Variants in MECOM observed in about 807,000 individuals in gnomAD.
MECOM encodes the protein MDS1 and EVI1 complex locus.
Under a neutral mutation model 116.3 loss-of-function variants are expected in MECOM, and 13 were observed. The ratio of observed to expected loss-of-function variants is 0.11; its 90% CI spans 0.07 to 0.18. The LOEUF (loss-of-function observed/expected upper bound fraction) is 0.18. Ranked by LOEUF, MECOM falls within the 10% of genes least tolerant of loss-of-function variation. MECOM has a pLI of 1.00. For missense variants in MECOM, 1,299 were observed against 1,509.0 expected, an observed-to-expected ratio of 0.86 and a Z score of 2.31; for synonymous variants, 528 against 535.2, an observed-to-expected ratio of 0.99 and a Z score of 0.19.
chr3:169,229,455 C>G (rs1244462744), intron 2 of MECOM, among the ~76,000 whole-genome samples: 1 of 152,124 alleles, frequency 6.6e-6, no homozygotes, highest in Non-Finnish European at 1.5e-5. Flanking sequence ...CAGGGACTGG[C>G]AAGGCTTAAT....
Position 169,236,539 on chromosome 3 carries a change from C to G in MECOM, c.376-92707G>C, listed in dbSNP as rs1035503311. Among the ~76,000 whole-genome samples, 10 of 152,182 alleles carry G rather than the reference C, an allele frequency of 6.6e-5. No homozygotes were observed. In the East Asian group the frequency reaches 1.9e-3, roughly 29 times the overall value. On this transcript the variant is annotated intron_variant, in intron 2 of 16. Transcript: ENST00000651503. ...TAATTTTTAAGTAAGTTTTTAACAC[C>G]TCACATGATCTGCCATGTGTATATT...
At chr3:169,099,590 C>G (rs999059619) in intron 12 of MECOM, among the ~76,000 whole-genome samples, 1 of 131,956 alleles carries the variant, frequency 7.6e-6, no homozygotes, top group Non-Finnish European at 1.6e-5. Context: ...CTCAAATGAC[C>G]CATTTTCTTA....
At chr3:169,607,392 G>A (rs1475050205) in intron 1 of MECOM, among the ~76,000 whole-genome samples, 3 of 152,138 alleles carry the variant, frequency 2.0e-5, no homozygotes, top group Non-Finnish European at 4.4e-5. Context: ...AAATATTTGT[G>A]TAAGAAAAAA....
chr3:169,259,090 T>C (rs1757220514), intron 2 of MECOM, among the ~76,000 whole-genome samples: 1 of 152,194 alleles, frequency 6.6e-6, no homozygotes. Flanking sequence ...GATGCCATTT[T>C]TAATGAAGGA....
chr3:169,498,837 A>G (rs942441407), intron 1 of MECOM, among the ~76,000 whole-genome samples: 1 of 152,232 alleles, frequency 6.6e-6, no homozygotes, highest in Non-Finnish European at 1.5e-5. Context: ...ACAATTCTCT[A>G]AGAGGAAAAG....
intron 1 of MECOM, among the ~76,000 whole-genome samples, chr3:169,660,597 T>C (rs1776154994): frequency 6.6e-6 from 1 of 152,182 alleles, no homozygotes; most frequent in African/African-American, 2.4e-5. Flanking sequence ...GTAATTTGTT[T>C]CCATTGTAAT....
intron 1 of MECOM, among the ~76,000 whole-genome samples, chr3:169,478,699 A>G (rs1750841008): frequency 6.6e-6 from 1 of 152,228 alleles, no homozygotes; most frequent in African/African-American, 2.4e-5. Context: ...CTTGAGTATT[A>G]TGGCTTAAAA....
At chr3:169,596,914 T>G (rs1427679424) in intron 1 of MECOM, among the ~76,000 whole-genome samples, 3 of 152,224 alleles carry the variant, frequency 2.0e-5, no homozygotes, top group Non-Finnish European at 4.4e-5. Context: ...AGCATTTTTT[T>G]CTTATTCAAA....
intron 3 of MECOM, 173 bp from the exon 4 acceptor site, chr3:169,131,704 C>A (rs375735108): frequency 1.6e-6 from 1 of 641,088 alleles, no homozygotes; most frequent in Non-Finnish European, 2.5e-6. Flanking sequence ...TGAAAACCAG[C>A]CCTCTGGTGA....
At chr3:169,410,396 G>A (rs1031753772) in intron 1 of MECOM, among the ~76,000 whole-genome samples, 1 of 152,082 alleles carries the variant, frequency 6.6e-6, no homozygotes, top group Non-Finnish European at 1.5e-5. Flanking sequence ...CTTTTCTTTT[G>A]GAACCTCATT....
intron 2 of MECOM, among the ~76,000 whole-genome samples, chr3:169,314,157 C>A: frequency 6.6e-6 from 1 of 152,248 alleles, no homozygotes; most frequent in East Asian, 1.9e-4. Context: ...AGGTCAGCTC[C>A]ATTCAGCCAT....
chr3:169,585,668 T>A (rs1765694584), intron 1 of MECOM, among the ~76,000 whole-genome samples: 1 of 152,206 alleles, frequency 6.6e-6, no homozygotes, highest in African/African-American at 2.4e-5. Context: ...GTTAACTATT[T>A]TAAATATTCC....
intron 2 of MECOM, among the ~76,000 whole-genome samples, chr3:169,308,438 TC>T (rs1044719147): frequency 2.6e-5 from 4 of 152,224 alleles, no homozygotes; most frequent in Non-Finnish European, 4.4e-5. Flanking sequence ...CTTAAATAAT[TC>T]TATGTGTTAA....
At chr3:169,233,228 C>A (rs987414595) in intron 2 of MECOM, among the ~76,000 whole-genome samples, 1 of 152,054 alleles carries the variant, frequency 6.6e-6, no homozygotes, top group African/African-American at 2.4e-5. Context: ...GGTGCTGTAC[C>A]AACACCAGAG....
chr3:169,265,708 C>T (rs898723530), intron 2 of MECOM, among the ~76,000 whole-genome samples: 1 of 152,170 alleles, frequency 6.6e-6, no homozygotes, highest in African/African-American at 2.4e-5. Context: ...AAGTCACATG[C>T]TTTAGGAGAA....
At chr3:169,465,282 C>T (rs1304870662) in intron 1 of MECOM, among the ~76,000 whole-genome samples, 1 of 152,150 alleles carries the variant, frequency 6.6e-6, no homozygotes, top group East Asian at 1.9e-4. Context: ...TACTTAACCT[C>T]TCTGTGCTTT....
At chr3:169,136,415 T>C (rs1736393033) in intron 3 of MECOM, among the ~76,000 whole-genome samples, 1 of 151,044 alleles carries the variant, frequency 6.6e-6, no homozygotes, top group African/African-American at 2.4e-5. Context: ...TTATATGTAA[T>C]TATATATTAT....
chr3:169,453,556 T>C (rs2108680662), intron 1 of MECOM, among the ~76,000 whole-genome samples: 1 of 152,168 alleles, frequency 6.6e-6, no homozygotes, highest in East Asian at 1.9e-4. Flanking sequence ...AAAGGAGGAG[T>C]ACTTCTTTAC....
intron 2 of MECOM, among the ~76,000 whole-genome samples, chr3:169,328,018 C>T (rs930257618): frequency 4.6e-5 from 7 of 152,168 alleles, no homozygotes; most frequent in Non-Finnish European, 5.9e-5. Flanking sequence ...AACAGCACAT[C>T]GACTATCATT....
Sources: allele counts gnomAD v4.1 joint callset (sites outside exome capture counted in the v4.1 genomes callset), GRCh38; gene constraint gnomAD v4.1.1; transcripts MANE v1.5; gene names NCBI Gene and HGNC (gene_info 2026-07-23, HGNC 2026-07-21).